The following GALK2 variants were observed in gnomAD, a reference collection of about 807,000 sequenced individuals.
GALK2 encodes the protein galactokinase 2.
In GALK2, 36 loss-of-function variants were observed where a neutral mutation model predicts 52.4. That is an observed-to-expected ratio of 0.69 (90% confidence interval 0.53 to 0.91). GALK2 has a LOEUF of 0.91. GALK2 is among the 40% of genes least tolerant of loss of function. The pLI is 0.00. For synonymous variants in GALK2, 176 were observed against 199.1 expected (o/e 0.88, Z 0.98); for missense variants, 579 against 559.1 (o/e 1.04, Z -0.36).
At chr15:49,221,042 A>C (rs1325653803) in intron 3 of GALK2, among the ~76,000 whole-genome samples, 2 of 151,774 alleles carry the variant, frequency 1.3e-5, no homozygotes, top group African/African-American at 4.8e-5. Flanking sequence ...TTGTCTCCCC[A>C]CTCTGTTGAT....
At chr15:49,196,386 G>T (rs754140062) in intron 1 of GALK2, among the ~76,000 whole-genome samples, 1 of 151,936 alleles carries the variant, frequency 6.6e-6, no homozygotes. Context: ...CCCAAGAGTT[G>T]TTTAAAAGAC....
At chr15:49,223,734 G>C (rs2089964134) in intron 3 of GALK2, among the ~76,000 whole-genome samples, 1 of 152,038 alleles carries the variant, frequency 6.6e-6, no homozygotes, top group Admixed American at 6.6e-5. Context: ...CCTTTTTATG[G>C]CTGCATAGTA....
Position 49,195,021 on chromosome 15 carries a change from T to A in GALK2, c.54-6141T>A, listed in dbSNP as rs142398367. Reference sequence around the variant, plus strand: ...CTTTGGGAGAACTACATCTTTATGATGTTGTATCATCTTATCCAAAACAGG... The same window carrying A: ...CTTTGGGAGAACTACATCTTTATGAAGTTGTATCATCTTATCCAAAACAGG... On this transcript the variant is annotated intron_variant, in intron 1 of 9. Transcript: ENST00000560031. 2,558 of 428,928 alleles carry A rather than the reference T, an allele frequency of 6.0e-3. 85 individuals are homozygous for A. The East Asian group carries it at 0.077, about 13-fold the overall frequency. 26.6% of individuals were successfully genotyped at this position (428,928 alleles called of 1,614,324 possible).
At chr15:49,282,283 T>C (rs2032812359) in intron 6 of GALK2, among the ~76,000 whole-genome samples, 198 bp downstream of exon 6, 1 of 152,236 alleles carries the variant, frequency 6.6e-6, no homozygotes, top group Non-Finnish European at 1.5e-5. Flanking sequence ...GTTGATTGCC[T>C]TTCTCTTACG....
At chr15:49,267,443 T>C (rs548414102) in intron 5 of GALK2, among the ~76,000 whole-genome samples, 27 of 152,276 alleles carry the variant, frequency 1.8e-4, no homozygotes, top group African/African-American at 6.5e-4. Context: ...TTCAGGAGCA[T>C]GACTGAAGTT....
intron 5 of GALK2, among the ~76,000 whole-genome samples, chr15:49,242,481 A>G (rs1199658058): frequency 6.6e-6 from 1 of 152,190 alleles, no homozygotes; most frequent in Non-Finnish European, 1.5e-5. Flanking sequence ...AGAATAGAGG[A>G]ACAGAGGGAC....
At chr15:49,225,149 C>A (rs2090053832) in intron 3 of GALK2, 8 of 452,276 alleles carry the variant, frequency 1.8e-5, no homozygotes. Context: ...TGTTCCTGAG[C>A]TTTGAGGAAG....
At chr15:49,160,397 T>C (rs1195837467) in intron 1 of GALK2, among the ~76,000 whole-genome samples, 1 of 152,312 alleles carries the variant, frequency 6.6e-6, no homozygotes, top group East Asian at 1.9e-4. Flanking sequence ...CACTTTACAG[T>C]ATAAGGCTTC....
chr15:49,361,085 A>G (rs1281401934), intron 3 of GALK2, among the ~76,000 whole-genome samples: 2 of 152,192 alleles, frequency 1.3e-5, no homozygotes, highest in African/African-American at 4.8e-5. Flanking sequence ...GATAAATGAT[A>G]AGTATTTAAG....
intron 5 of GALK2, among the ~76,000 whole-genome samples, chr15:49,240,957 A>G (rs1163591018): frequency 6.6e-6 from 1 of 152,216 alleles, no homozygotes; most frequent in African/African-American, 2.4e-5. Context: ...GGTTTAGAGT[A>G]GTGGCAATGA....
chr15:49,205,906 G>C (rs180741487), intron 2 of GALK2, among the ~76,000 whole-genome samples: 1 of 152,262 alleles, frequency 6.6e-6, no homozygotes, highest in Admixed American at 6.5e-5. Flanking sequence ...GTTGATTTTT[G>C]TGTAAGGTGA....
chr15:49,283,430 C>T (rs551887072), intron 6 of GALK2, 136 bp from the exon 7 acceptor site: 71 of 709,244 alleles, frequency 1.0e-4, no homozygotes, highest in Admixed American at 3.5e-4. Context: ...CCTAGTACAG[C>T]GCCTGGAGGT....
chr15:49,334,946 A>G (rs1409329180), downstream of GALK2, among the ~76,000 whole-genome samples: 1 of 152,194 alleles, frequency 6.6e-6, no homozygotes, highest in Non-Finnish European at 1.5e-5. Context: ...ACCACAAGCA[A>G]TTATTTTATA....
chr15:49,173,996 G>A lies in GALK2; in HGVS notation c.53+3621G>A, dbSNP rs182330227. ...GACCTCAAGTGATCCACCCGCCTTG[G>A]TCTCCCTGGGATTACAGGCTGAGCC... is the stretch of plus-strand genomic sequence containing the variant. On this transcript the variant is annotated intron_variant, in intron 1 of 9. Coordinates refer to ENST00000560031, the MANE Select transcript of GALK2 (RefSeq NM_002044.4). Among the ~76,000 whole-genome samples the A allele has an allele frequency of 6.3e-3, 962 of 152,194 alleles. 15 individuals are homozygous for A. The highest frequency in any genetic ancestry group is 0.022 in the African/African-American group (906 of 41,510).
At chr15:49,262,483 G>A (rs575580951) in intron 5 of GALK2, among the ~76,000 whole-genome samples, 12 of 152,070 alleles carry the variant, frequency 7.9e-5, no homozygotes, top group Middle Eastern at 3.4e-3. Flanking sequence ...TCTTGCTAGC[G>A]GTCTGTCAAT....
intron 4 of GALK2, 94 bp from the exon 5 acceptor site, chr15:49,239,127 G>C (rs1294993835): frequency 2.0e-6 from 2 of 1,022,594 alleles, no homozygotes; most frequent in African/African-American, 1.6e-5. Flanking sequence ...TAAGTCTATT[G>C]ATAGACTTTT....
chr15:49,182,052 T>G (rs2086010885), intron 1 of GALK2, among the ~76,000 whole-genome samples: 1 of 152,192 alleles, frequency 6.6e-6, no homozygotes, highest in Non-Finnish European at 1.5e-5. Context: ...TTTTGTTGAC[T>G]ATAATAACTG....
At chr15:49,352,483 C>T (rs2042395111) in intron 3 of GALK2, among the ~76,000 whole-genome samples, 1 of 152,136 alleles carries the variant, frequency 6.6e-6, no homozygotes, top group Non-Finnish European at 1.5e-5. Context: ...GTATTGGTAG[C>T]CAAGGGCCTT....
intron 3 of GALK2, among the ~76,000 whole-genome samples, chr15:49,218,939 C>G (rs1046899587): frequency 1.3e-5 from 2 of 152,186 alleles, no homozygotes; most frequent in Non-Finnish European, 2.9e-5. Flanking sequence ...GATTCTCCCA[C>G]TTCAGTCTCC....
Sources: allele counts gnomAD v4.1 joint callset (sites outside exome capture counted in the v4.1 genomes callset), GRCh38; gene constraint gnomAD v4.1.1; transcripts MANE v1.5; gene names NCBI Gene and HGNC (gene_info 2026-07-23, HGNC 2026-07-21).